HEPACAM: variants seen among roughly 807,000 people sequenced by gnomAD.
The protein encoded by HEPACAM is hepatocyte cell adhesion molecule.
Under a neutral mutation model 38.3 loss-of-function variants are expected in HEPACAM, and 18 were observed. The observed-to-expected ratio is 0.47, with a 90% confidence interval of 0.33 to 0.70. The LOEUF is 0.70. Among genes scored for constraint, HEPACAM ranks in the 30% least tolerant of loss-of-function variants. HEPACAM has a pLI of 0.03. For synonymous variants in HEPACAM, 216 were observed against 243.1 expected (o/e 0.89, Z 1.04); for missense variants, 466 against 563.0 (o/e 0.83, Z 1.74).
chr11:124,933,149 C>A (rs1256560632), intron 1 of HEPACAM, among the ~76,000 whole-genome samples: 4 of 152,096 alleles, frequency 2.6e-5, no homozygotes, highest in African/African-American at 9.7e-5. Context: ...AGGTCATTAA[C>A]TAATATCCTA....
In HEPACAM at chr11:124,920,218, T is replaced by C. The variant is rs967163797; in HGVS notation, c.*920A>G. The C allele has an allele frequency of 4.7e-6, 4 of 859,042 alleles. No homozygotes were observed. The African/African-American group carries it at 6.9e-5, about 15-fold the overall frequency. 53.2% of individuals were successfully genotyped at this position (859,042 alleles called of 1,614,324 possible). A position where few individuals can be genotyped will look rare whatever the true frequency, so the allele number is the denominator to read the frequency against. Reference sequence around the variant, plus strand: ...AGCTCAACAACTTTCCTGAGGACAATGATTGTTTGAAAGGCTTGTTTTGTA... The same window carrying C: ...AGCTCAACAACTTTCCTGAGGACAACGATTGTTTGAAAGGCTTGTTTTGTA... On this transcript the variant is annotated 3_prime_UTR_variant, in exon 7 of 7. Transcript: ENST00000298251.
Position 124,919,797 on chromosome 11 carries a change from C to A in HEPACAM, c.*1341G>T, listed in dbSNP as rs2135393163. 1 of 1,614,100 alleles carries A rather than the reference C, an allele frequency of 6.2e-7. No individual in the cohort carries two copies. The highest frequency in any genetic ancestry group is 2.2e-5 in the East Asian group (1 of 44,878). ...ATTGCTCCATGGGTTGATGGCGAAT[C>A]AGAGCTGGAGTTTAGGAGACTAGGG... On this transcript the variant is annotated 3_prime_UTR_variant, in exon 7 of 7. Transcript: ENST00000298251.
In HEPACAM at chr11:124,919,345, C is replaced by CA; in HGVS notation, c.*1792_*1793insT. On this transcript the variant is annotated 3_prime_UTR_variant, in exon 7 of 7. Transcript: ENST00000298251. The stretch of plus-strand genomic sequence containing the variant: ...AGATGAAAACAACACAAAAACAAAC[C>CA]CCACTTCCTTACTTACCCCTCCCCA... The CA allele has an allele frequency of 5.1e-6, 1 of 194,882 alleles. No individual in the cohort carries two copies. 12.1% of individuals were successfully genotyped at this position (194,882 alleles called of 1,614,324 possible).
In HEPACAM at chr11:124,920,677, G is replaced by GC. The variant is rs1565336624; in HGVS notation, c.*460dup. ...AAAGTGGCCTCTCTAATCTGAACTT[G>GC]CAAAAAAAAAAAAAAAAAAAAAAAA... On this transcript the variant is annotated 3_prime_UTR_variant, in exon 7 of 7. Coordinates refer to ENST00000298251, the MANE Select transcript of HEPACAM (RefSeq NM_152722.5). 2.0e-4 allele frequency: 22 copies of GC among 108,148 alleles called. No individual in the cohort carries two copies. The African/African-American group carries it at 3.0e-3, about 15-fold the overall frequency. 6.7% of individuals were successfully genotyped at this position (108,148 alleles called of 1,614,324 possible). A position where few individuals can be genotyped will look rare whatever the true frequency, so the allele number is the denominator to read the frequency against.
chr11:124,923,296 G>T, intron 4 of HEPACAM, 44 bp downstream of exon 4: 1 of 1,242,198 alleles, frequency 8.1e-7, no homozygotes, highest in Non-Finnish European at 1.2e-6. Flanking sequence ...GCTTAGGTTT[G>T]GGATGGATTG....
At position 124,920,859 on chromosome 11, in the gene HEPACAM, A is replaced by G; in HGVS notation, c.*279T>C. ...TTTTGGGTATTGGGCCAGAAATGTA[A>G]TAATCTATGTGGTCCTAAGAGGGCA... On this transcript the variant is annotated 3_prime_UTR_variant, in exon 7 of 7. Transcript: ENST00000298251. The G allele has an allele frequency of 8.0e-7, 1 of 1,250,284 alleles. No individual in the cohort carries two copies. Among genetic ancestry groups the G allele is most frequent in the Non-Finnish European group, 1.0e-6 (1 of 997,034 alleles). The allele number at this position is 1,250,284 out of a possible 1,614,324, so 77.4% of individuals were successfully genotyped here.
chr11:124,927,282 C>T (rs1413361783), intron 1 of HEPACAM, among the ~76,000 whole-genome samples: 1 of 152,072 alleles, frequency 6.6e-6, no homozygotes, highest in Non-Finnish European at 1.5e-5. Context: ...TGCTGGGCCT[C>T]AGCTTCCTCC....
chr11:124,921,477 C>A lies in HEPACAM; in HGVS notation c.949-37G>T. 8.2e-7 allele frequency: 1 copy of A among 1,223,726 alleles called. No individual in the cohort carries two copies. The highest frequency in any genetic ancestry group is 1.0e-6 in the Non-Finnish European group (1 of 973,554). The allele number at this position is 1,223,726 out of a possible 1,614,324, so 75.8% of individuals were successfully genotyped here. On this transcript the variant is annotated intron_variant, in intron 6 of 6. Transcript: ENST00000298251. The surrounding 1 kb of genome is among the most constrained non-coding windows in gnomAD (Gnocchi z 4.6). ...CGCGCCGCAGGGGTCAGGGGACAGT[C>A]AGCCCAGCCTGGGAGCGCGCCTGGT...
At chr11:124,935,720 G>T (rs993700680) in intron 1 of HEPACAM, among the ~76,000 whole-genome samples, 1 of 152,164 alleles carries the variant, frequency 6.6e-6, no homozygotes, top group Admixed American at 6.5e-5. Flanking sequence ...TGGGGGAAGG[G>T]GGTAGGGGCC....
At chr11:124,934,868 G>A (rs919508375) in intron 1 of HEPACAM, among the ~76,000 whole-genome samples, 5 of 151,952 alleles carry the variant, frequency 3.3e-5, no homozygotes, top group Admixed American at 1.3e-4. Flanking sequence ...ATTAAAAACC[G>A]CTCATTCCCT....
At position 124,922,943 on chromosome 11, in the gene HEPACAM, CA is replaced by C. The variant is rs1457033586; in HGVS notation, c.804-126del. ...TTGTGACAGGAAGATGGGCTGGGTA[CA>C]GTTCATGAGCTTTGGAAGGAATCAC... On this transcript the variant is annotated intron_variant, in intron 4 of 6. Transcript: ENST00000298251. 11 of 957,652 alleles carry C rather than the reference CA, an allele frequency of 1.1e-5. No homozygotes were observed. In the Admixed American group the frequency reaches 2.0e-4, roughly 17 times the overall value. The allele number at this position is 957,652 out of a possible 1,614,324, so 59.3% of individuals were successfully genotyped here.
chr11:124,928,299 AT>A (rs1947242637), intron 1 of HEPACAM, among the ~76,000 whole-genome samples: 1 of 152,210 alleles, frequency 6.6e-6, no homozygotes, highest in South Asian at 2.1e-4. Flanking sequence ...GCATGGCTTG[AT>A]TTAGAAAACC....
At chr11:124,935,704 G>T (rs1947335205) in intron 1 of HEPACAM, among the ~76,000 whole-genome samples, 1 of 152,192 alleles carries the variant, frequency 6.6e-6, no homozygotes, top group Non-Finnish European at 1.5e-5. Flanking sequence ...AAGTCATGCA[G>T]CCTTTTGGGG....
intron 1 of HEPACAM, among the ~76,000 whole-genome samples, chr11:124,933,232 C>T (rs940029329): frequency 1.3e-4 from 20 of 151,982 alleles, no homozygotes; most frequent in African/African-American, 3.4e-4. Context: ...AGTGCAGTGA[C>T]GTGATCATGG....
In HEPACAM at chr11:124,920,051, C is replaced by T; in HGVS notation, c.*1087G>A. 6.2e-7 allele frequency: 1 copy of T among 1,600,190 alleles called. No homozygotes were observed. The highest frequency in any genetic ancestry group is 1.3e-5 in the African/African-American group (1 of 74,556). On this transcript the variant is annotated 3_prime_UTR_variant, in exon 7 of 7. Transcript: ENST00000298251. ...TCTGCCCTTTTTCTGTGCCCTGGGA[C>T]CTGAGCATGTGGGAGCAGGGCAGAT...
chr11:124,935,788 A>C (rs1433335282), intron 1 of HEPACAM, 134 bp downstream of exon 1: 7 of 760,136 alleles, frequency 9.2e-6, no homozygotes, highest in African/African-American at 3.5e-5. Flanking sequence ...GAATTCCCTG[A>C]CATGTTTCCC....
At chr11:124,922,684 TCCCAGCAG>T (rs761091916) in intron 5 of HEPACAM, 53 bp downstream of exon 5, 2 of 1,614,222 alleles carry the variant, frequency 1.2e-6, no homozygotes, top group South Asian at 2.2e-5. Flanking sequence ...TTCTGCCTTT[TCCCAGCAG>T]CCCACTGATC....
At chr11:124,929,052 A>G (rs543003755) in intron 1 of HEPACAM, among the ~76,000 whole-genome samples, 1 of 152,180 alleles carries the variant, frequency 6.6e-6, no homozygotes, top group Non-Finnish European at 1.5e-5. Context: ...GACAGTGACA[A>G]CCTCAAAAAC....
Position 124,923,404 on chromosome 11 carries a change from T to C in HEPACAM, c.739A>G (p.Thr247Ala). 1.2e-6 allele frequency: 2 copies of C among 1,613,030 alleles called. No homozygotes were observed. The highest frequency in any genetic ancestry group is 1.1e-5 in the South Asian group (1 of 91,052). Reference sequence around the variant, plus strand: ...GTCACAAGGAGGAAGATGCCTCCTGTAGACAAGATGATGTAAAGGGAGCTT... The same window carrying C: ...GTCACAAGGAGGAAGATGCCTCCTGCAGACAAGATGATGTAAAGGGAGCTT... ...RRSSLYIILS[T>A]GGIFLLVTLV... is the part of the protein sequence containing the mutation. The change falls in exon 4 of 7, where the codon ACA becomes GCA. Residue 247 changes from threonine (T) to alanine (A), a missense_variant. Physicochemically the swap from Thr to Ala is moderately conservative, Grantham distance 58. Transcript: ENST00000298251.
Sources: gnomAD v4.1 joint callset for allele counts (sites outside exome capture counted in the v4.1 genomes callset) on GRCh38, gnomAD v4.1.1 for gene constraint, Gnocchi (gnomAD v3.1) non-coding constraint, MANE v1.5 for transcripts, NCBI Gene and HGNC (gene_info 2026-07-23, HGNC 2026-07-21) for gene names.